Variants in SCML2 observed in about 807,000 individuals in gnomAD.
The protein encoded by SCML2 is Scm polycomb group protein like 2.
In SCML2, 6 loss-of-function variants were observed where a neutral mutation model predicts 48.4. The observed-to-expected ratio is 0.12, with a 90% confidence interval of 0.07 to 0.24. The LOEUF (loss-of-function observed/expected upper bound fraction) is 0.24, where lower values mean the gene tolerates loss of function less well. SCML2 is among the 10% of genes least tolerant of loss of function. The pLI is 1.00. For synonymous variants in SCML2, 181 were observed against 189.5 expected, an observed-to-expected ratio of 0.95 and a Z score of 0.37; for missense variants, 377 against 528.2, an observed-to-expected ratio of 0.71 and a Z score of 2.81.
chrX:18,273,112 A>AGG lies in SCML2; in HGVS notation c.731-7311_731-7310insCC, dbSNP rs1927514084. On this transcript the variant is annotated intron_variant, in intron 7 of 14. Coordinates refer to ENST00000251900, the MANE Select transcript of SCML2 (RefSeq NM_006089.3). ...TTCTTTTCAAAATTCTTTAAGTCTC[A>AGG]CATAGCAACTCTTTCCTGAGTTCCC... Among the ~76,000 whole-genome samples, 2 of 111,323 alleles carry AGG rather than the reference A, an allele frequency of 1.8e-5. 1 individual carries two copies.
intron 7 of SCML2, among the ~76,000 whole-genome samples, chrX:18,285,480 CTT>C (rs754673329): frequency 3.5e-4 from 39 of 109,995 alleles, no homozygotes; most frequent in African/African-American, 1.2e-3. Context: ...CATGTCCTCA[CTT>C]ATACGTGAGA....
At chrX:18,251,963 C>A (rs1003815039) in intron 11 of SCML2, among the ~76,000 whole-genome samples, 1 of 112,664 alleles carries the variant, frequency 8.9e-6, no homozygotes, top group Non-Finnish European at 1.9e-5. Context: ...CTGATACATG[C>A]TACCACATGG....
In SCML2 at chrX:18,256,856, T is replaced by C; in HGVS notation, c.1448A>G (p.Asn483Ser). The change falls in exon 11 of 15, where the codon AAT (asparagine) becomes AGT (serine). Residue 483 changes from asparagine to serine, a missense_variant. Coordinates refer to ENST00000251900, the MANE Select transcript of SCML2 (RefSeq NM_006089.3). ...HTHSSAEHDK[N>S]QSAKEDVTER... The stretch of plus-strand genomic sequence containing the variant: ...TTTACATTTTCTCTCACCTGACTGA[T>C]TTTTATCATGCTCTGCAGAGCTGTG... 1 of 1,180,771 alleles carries C rather than the reference T, an allele frequency of 8.5e-7. No individual in the cohort carries two copies. The highest frequency in any genetic ancestry group is 1.1e-6 in the Non-Finnish European group (1 of 883,553).
chrX:18,329,236 T>C (rs753803805), intron 3 of SCML2, among the ~76,000 whole-genome samples: 10 of 111,854 alleles, frequency 8.9e-5, no homozygotes, highest in Non-Finnish European at 1.9e-4. Context: ...TAAGGAACAG[T>C]CTAATTCAAT....
chrX:18,273,318 A>G (rs1268191215), intron 7 of SCML2, among the ~76,000 whole-genome samples: 11 of 111,434 alleles, frequency 9.9e-5, no homozygotes, highest in Non-Finnish European at 3.8e-5. Context: ...ATACTTGTGC[A>G]CATGCCTGCA....
chrX:18,246,268 A>G (rs1037706322), intron 13 of SCML2, among the ~76,000 whole-genome samples: 9 of 112,172 alleles, frequency 8.0e-5, no homozygotes, highest in African/African-American at 2.9e-4. Context: ...CAGGCCTCAG[A>G]GTCATGAGAG....
chrX:18,291,603 G>A (rs1928235201), intron 7 of SCML2, among the ~76,000 whole-genome samples: 1 of 111,552 alleles, frequency 9.0e-6, no homozygotes, highest in South Asian at 3.7e-4. Context: ...CTAGGCAACT[G>A]TATTTCTTTA....
chrX:18,342,437 C>T (rs1175897057), intron 1 of SCML2, among the ~76,000 whole-genome samples: 1 of 111,510 alleles, frequency 9.0e-6, no homozygotes, highest in Non-Finnish European at 1.9e-5. Context: ...TTGGGCCGGG[C>T]GCAGTGGCTC....
At chrX:18,287,447 T>G (rs1393213182) in intron 7 of SCML2, among the ~76,000 whole-genome samples, 1 of 111,853 alleles carries the variant, frequency 8.9e-6, no homozygotes, top group Admixed American at 9.5e-5. Context: ...TCATATATCT[T>G]ATAAAACATT....
At chrX:18,314,438 A>G (rs2147532016) in intron 6 of SCML2, among the ~76,000 whole-genome samples, 1 of 111,564 alleles carries the variant, frequency 9.0e-6, no homozygotes, top group East Asian at 2.8e-4. Context: ...TTCTATCACT[A>G]CTATTTCTGC....
chrX:18,307,709 C>T (rs1928801188), intron 6 of SCML2, among the ~76,000 whole-genome samples: 1 of 111,717 alleles, frequency 9.0e-6, no homozygotes, highest in Non-Finnish European at 1.9e-5. Flanking sequence ...GGCATGGTGG[C>T]TCATGCCTGT....
intron 1 of SCML2, among the ~76,000 whole-genome samples, chrX:18,348,093 G>T (rs1930260783): frequency 8.9e-6 from 1 of 112,099 alleles, no homozygotes; most frequent in African/African-American, 3.2e-5. Flanking sequence ...ATAAACGAAA[G>T]ATAAGTCAAG....
At chrX:18,295,230 C>T (rs1928355379) in intron 7 of SCML2, among the ~76,000 whole-genome samples, 1 of 111,795 alleles carries the variant, frequency 8.9e-6, no homozygotes, top group African/African-American at 3.3e-5. Context: ...AGGGTATTGC[C>T]CCACCCTGCC....
intron 7 of SCML2, among the ~76,000 whole-genome samples, chrX:18,270,464 G>A (rs962265788): frequency 2.7e-5 from 3 of 111,416 alleles, no homozygotes; most frequent in Non-Finnish European, 5.6e-5. Flanking sequence ...ATGCAGGAGT[G>A]AAGTGATGTG....
At chrX:18,349,597 C>T (rs1930307216) in intron 1 of SCML2, among the ~76,000 whole-genome samples, 1 of 111,603 alleles carries the variant, frequency 9.0e-6, no homozygotes, top group African/African-American at 3.3e-5. Context: ...TTGAGACCAG[C>T]CTGAACAACA....
intron 1 of SCML2, among the ~76,000 whole-genome samples, chrX:18,338,835 G>C (rs927065559): frequency 9.3e-6 from 1 of 107,605 alleles, no homozygotes; most frequent in Non-Finnish European, 1.9e-5. Context: ...AATCACCTGA[G>C]CCTGGGAAGT....
chrX:18,328,636 C>A (rs1223962781), intron 3 of SCML2, among the ~76,000 whole-genome samples: 1 of 112,080 alleles, frequency 8.9e-6, no homozygotes, highest in Admixed American at 9.5e-5. Context: ...CATGCCACTG[C>A]ACTCTGGCCT....
At chrX:18,276,474 G>A (rs1200065925) in intron 7 of SCML2, among the ~76,000 whole-genome samples, 2 of 110,920 alleles carry the variant, frequency 1.8e-5, no homozygotes, top group African/African-American at 6.6e-5. Context: ...GGGTGTGTAT[G>A]TATGTATTGA....
Position 18,240,546 on chromosome X carries a change from G to C in SCML2, c.*705C>G, listed in dbSNP as rs1019165269. ...AACCCTCGTAGTATAAATATCTCCT[G>C]CATAAAATGACAATTCTATCCTATA... On this transcript the variant is annotated 3_prime_UTR_variant, in exon 15 of 15. Transcript: ENST00000251900. 5.4e-5 allele frequency: 6 copies of C among 111,844 alleles called. No individual in the cohort carries two copies. The highest frequency in any genetic ancestry group is 1.1e-4 in the Non-Finnish European group (6 of 53,137). 9.2% of individuals were successfully genotyped at this position (111,844 alleles called of 1,213,427 possible). A position where few individuals can be genotyped will look rare whatever the true frequency, so the allele number is the denominator to read the frequency against.
Sources: gnomAD v4.1 joint callset for allele counts (sites outside exome capture counted in the v4.1 genomes callset) on GRCh38, gnomAD v4.1.1 for gene constraint, MANE v1.5 for transcripts, NCBI Gene and HGNC (gene_info 2026-07-23, HGNC 2026-07-21) for gene names.